The following PIP5K1A variants were observed in gnomAD, a reference collection of about 807,000 sequenced individuals.
PIP5K1A encodes the protein phosphatidylinositol-4-phosphate 5-kinase type 1 alpha.
In PIP5K1A, 46 loss-of-function variants were observed where a neutral mutation model predicts 72.9. The ratio of observed to expected loss-of-function variants is 0.63; its 90% CI spans 0.50 to 0.81. The LOEUF is 0.81. Among genes scored for constraint, PIP5K1A ranks in the 30% least tolerant of loss-of-function variants. The pLI is 0.00. For missense variants in PIP5K1A, 458 were observed against 706.1 expected (o/e 0.65, Z 3.98); for synonymous variants, 228 against 255.1 (o/e 0.89, Z 1.01).
chr1:151,203,143 G>GT (rs1371022873), intron 1 of PIP5K1A, among the ~76,000 whole-genome samples: 13 of 152,254 alleles, frequency 8.5e-5, no homozygotes, highest in Non-Finnish European at 1.3e-4. Context: ...TTTGAAGTTA[G>GT]TGGTTGGGTT....
At chr1:151,227,736 C>G (rs1389208443) in intron 4 of PIP5K1A, among the ~76,000 whole-genome samples, 1 of 152,142 alleles carries the variant, frequency 6.6e-6, no homozygotes, top group East Asian at 1.9e-4. Flanking sequence ...ACTAAAAATA[C>G]AAAAATTAGC....
At position 151,232,353 on chromosome 1, in the gene PIP5K1A, C is replaced by T. The variant is rs768078247; in HGVS notation, c.474C>T (p.Pro158=). Residue 158 remains proline, a synonymous_variant, in exon 6 of 16, where the codon CCC becomes CCT. Transcript: ENST00000368888. ...TCCGGGAGCTATTTGGTATCCGGCC[C>T]GATGATTACTTGGTAAGCATCTGGA... is the stretch of plus-strand genomic sequence containing the variant. ...RYFRELFGIR[P]DDYLYSLCSE... is the part of the protein sequence containing the mutation. The T allele has an allele frequency of 1.2e-5, 20 of 1,610,810 alleles. No individual in the cohort carries two copies. Among genetic ancestry groups the T allele is most frequent in the Middle Eastern group, 1.6e-4 (1 of 6,072 alleles).
chr1:151,205,326 C>T (rs867264708), intron 1 of PIP5K1A, among the ~76,000 whole-genome samples: 1 of 152,236 alleles, frequency 6.6e-6, no homozygotes, highest in African/African-American at 2.4e-5. Flanking sequence ...CAGGCGTGCG[C>T]CACCACGCCC....
intron 4 of PIP5K1A, among the ~76,000 whole-genome samples, chr1:151,230,829 C>T (rs999854822): frequency 4.6e-5 from 7 of 152,242 alleles, no homozygotes; most frequent in Admixed American, 2.0e-4. Flanking sequence ...CGTGAGCCTC[C>T]GCCCGCGCCC....
chr1:151,221,721 C>T (rs1688424913), intron 1 of PIP5K1A, among the ~76,000 whole-genome samples: 2 of 152,184 alleles, frequency 1.3e-5, no homozygotes, highest in Non-Finnish European at 2.9e-5. Flanking sequence ...AAAACATTTT[C>T]TGTTGAACAG....
chr1:151,226,440 A>G (rs1393299045), intron 3 of PIP5K1A, among the ~76,000 whole-genome samples: 2 of 152,028 alleles, frequency 1.3e-5, no homozygotes, highest in African/African-American at 4.8e-5. Context: ...GGTTGGGTGC[A>G]GTGCCTCACA....
Position 151,242,540 on chromosome 1 carries a change from G to C in PIP5K1A, c.1613G>C (p.Gly538Ala). Reference protein sequence around the residue: ...IPDPSFSPLVGETLQMLTTST... With the variant: ...IPDPSFSPLVAETLQMLTTST... ...GACCCCAGTTTCTCACCTCTAGTTG[G>C]AGAGACTTTGCAAATGCTAACTACA... The change falls in exon 14 of 16, where the codon GGA (glycine) becomes GCA (alanine). Residue 538 changes from glycine to alanine, a missense_variant. Transcript: ENST00000368888. The C allele has an allele frequency of 6.2e-7, 1 of 1,613,984 alleles. No individual in the cohort carries two copies. The highest frequency in any genetic ancestry group is 8.5e-7 in the Non-Finnish European group (1 of 1,179,884).
chr1:151,232,066 T>A (rs898288847), intron 5 of PIP5K1A, among the ~76,000 whole-genome samples, 182 bp from the exon 6 acceptor site: 2 of 152,164 alleles, frequency 1.3e-5, no homozygotes, highest in African/African-American at 4.8e-5. Flanking sequence ...CTTCTTCTTA[T>A]GTCTTGCTGT....
In PIP5K1A at chr1:151,241,144, CAA is replaced by C. The variant is rs1373005566; in HGVS notation, c.1364-978_1364-977del. ...TGCCATTGCACTCCAGCCTGGGTGA[CAA>C]GAGAGGAAACTTCATCTCAAAAAAA... On this transcript the variant is annotated intron_variant, in intron 12 of 15. Transcript: ENST00000368888. Among the ~76,000 whole-genome samples the C allele has an allele frequency of 1.1e-4, 17 of 151,774 alleles. No individual in the cohort carries two copies. In the East Asian group the frequency reaches 1.8e-3, roughly 16 times the overall value.
intron 1 of PIP5K1A, among the ~76,000 whole-genome samples, chr1:151,201,347 T>C (rs1558229442): frequency 6.6e-6 from 1 of 151,410 alleles, no homozygotes; most frequent in African/African-American, 2.4e-5. Flanking sequence ...ATTGTATAAA[T>C]GTTTTTGTGG....
At chr1:151,224,467 C>A in intron 3 of PIP5K1A, 61 bp downstream of exon 3, 1 of 1,188,294 alleles carries the variant, frequency 8.4e-7, no homozygotes, top group Non-Finnish European at 1.2e-6. Context: ...TTAACAATAT[C>A]TCACATTTAT....
At chr1:151,236,036 G>T (rs948367030) in intron 8 of PIP5K1A, among the ~76,000 whole-genome samples, 1 of 149,588 alleles carries the variant, frequency 6.7e-6, no homozygotes, top group South Asian at 2.1e-4. Flanking sequence ...CAGGAAAATC[G>T]CTTGAACCAG....
chr1:151,223,857 G>A (rs1415877496), intron 1 of PIP5K1A: 1 of 186,190 alleles, frequency 5.4e-6, no homozygotes, highest in Non-Finnish European at 1.1e-5. Context: ...AATGTGGTAG[G>A]AGGCGCCTGT....
chr1:151,234,144 A>G, intron 7 of PIP5K1A, 53 bp from the exon 8 acceptor site: 1 of 1,418,492 alleles, frequency 7.0e-7, no homozygotes, highest in Non-Finnish European at 9.6e-7. Context: ...GGTGAGTTTC[A>G]CTGAAAATCA....
chr1:151,222,297 C>T (rs955808161), intron 1 of PIP5K1A, among the ~76,000 whole-genome samples: 4 of 152,132 alleles, frequency 2.6e-5, no homozygotes, highest in Non-Finnish European at 5.9e-5. Flanking sequence ...CATCATCACC[C>T]TGCGTGCTCT....
intron 1 of PIP5K1A, among the ~76,000 whole-genome samples, chr1:151,207,141 A>G (rs1686054463): frequency 6.6e-6 from 1 of 152,214 alleles, no homozygotes; most frequent in African/African-American, 2.4e-5. Context: ...AAGTGCTGGG[A>G]TTACAGGCGT....
chr1:151,208,887 C>A (rs772831181), intron 1 of PIP5K1A, among the ~76,000 whole-genome samples: 2 of 151,446 alleles, frequency 1.3e-5, no homozygotes, highest in African/African-American at 4.9e-5. Flanking sequence ...CGCCTGCTAC[C>A]ACGCCCGGCT....
At position 151,198,847 on chromosome 1, in the gene PIP5K1A, C is replaced by T; in HGVS notation, c.-150C>T. ...CCTTGAGCTGGTCCAGGAGCCGGCTCGACGTGTCTGAGGGAGGCCCCGGAG... is the reference window on the plus strand; with the variant it reads ...CCTTGAGCTGGTCCAGGAGCCGGCTTGACGTGTCTGAGGGAGGCCCCGGAG... On this transcript the variant is annotated 5_prime_UTR_variant, in exon 1 of 16. The change creates a premature stop within an existing upstream ORF in the 5' untranslated region. Transcript: ENST00000368888. The T allele has an allele frequency of 4.1e-6, 3 of 737,784 alleles. No homozygotes were observed. The highest frequency in any genetic ancestry group is 7.0e-6 in the Non-Finnish European group (3 of 427,062). The allele number at this position is 737,784 out of a possible 1,614,324, so 45.7% of individuals were successfully genotyped here. A position where few individuals can be genotyped will look rare whatever the true frequency, so the allele number is the denominator to read the frequency against.
intron 5 of PIP5K1A, among the ~76,000 whole-genome samples, chr1:151,232,026 T>G (rs144170138): frequency 6.6e-6 from 1 of 152,294 alleles, no homozygotes; most frequent in African/African-American, 2.4e-5. Flanking sequence ...AACAACCTAA[T>G]GCATTGGATA....
Sources: gnomAD v4.1 joint callset for allele counts (sites outside exome capture counted in the v4.1 genomes callset) on GRCh38, gnomAD v4.1.1 for gene constraint, MANE v1.5 for transcripts, NCBI Gene and HGNC (gene_info 2026-07-23, HGNC 2026-07-21) for gene names.